TMEM232: variants seen among roughly 807,000 people sequenced by gnomAD.
TMEM232 encodes the protein transmembrane protein 232.
Under a neutral mutation model 78.8 loss-of-function variants are expected in TMEM232, and 80 were observed. That is an observed-to-expected ratio of 1.01 (90% confidence interval 0.85 to 1.22). The LOEUF is 1.22. Among genes scored for constraint, TMEM232 ranks in the 50% most tolerant of loss-of-function variants. The pLI is 0.00. For synonymous variants in TMEM232, 297 were observed against 254.3 expected (o/e 1.17, Z -1.60); for missense variants, 881 against 742.2 (o/e 1.19, Z -2.17).
At chr5:110,473,368 A>C (rs951781586) in intron 12 of TMEM232, among the ~76,000 whole-genome samples, 1 of 151,886 alleles carries the variant, frequency 6.6e-6, no homozygotes, top group Non-Finnish European at 1.5e-5. Flanking sequence ...TGCAACTCAA[A>C]ACCACAGTGA....
intron 2 of TMEM232, among the ~76,000 whole-genome samples, chr5:110,663,834 A>T (rs1790161404): frequency 6.6e-6 from 1 of 151,992 alleles, no homozygotes; most frequent in African/African-American, 2.4e-5. Flanking sequence ...ATTTTTAAAA[A>T]TAATAAATCA....
intron 2 of TMEM232, among the ~76,000 whole-genome samples, chr5:110,413,832 C>G (rs1374172347): frequency 1.3e-5 from 2 of 152,086 alleles, no homozygotes; most frequent in South Asian, 4.1e-4. Context: ...AATTATTGTT[C>G]TAAAGGGAAT....
At chr5:110,423,467 TATA>T (rs1561475321) in intron 13 of TMEM232, among the ~76,000 whole-genome samples, 1 of 152,080 alleles carries the variant, frequency 6.6e-6, no homozygotes, top group Non-Finnish European at 1.5e-5. Flanking sequence ...AAAAAATAAA[TATA>T]ATATTTAGAG....
chr5:110,512,346 A>G (rs1334503237), intron 12 of TMEM232, among the ~76,000 whole-genome samples: 1 of 152,204 alleles, frequency 6.6e-6, no homozygotes, highest in African/African-American at 2.4e-5. Flanking sequence ...CTTTTGGTGG[A>G]CAACCAACAT....
At chr5:110,733,547 C>A (rs1158410162) in intron 2 of TMEM232, among the ~76,000 whole-genome samples, 1 of 152,132 alleles carries the variant, frequency 6.6e-6, no homozygotes, top group African/African-American at 2.4e-5. Flanking sequence ...ATGGATGGAG[C>A]TGGAGGCCAT....
chr5:110,497,057 T>C (rs934762622), intron 12 of TMEM232, among the ~76,000 whole-genome samples: 4 of 152,038 alleles, frequency 2.6e-5, no homozygotes, highest in African/African-American at 9.7e-5. Flanking sequence ...TTAGTTTCCT[T>C]ATCTGTCAGA....
rs1208811819 is a variant in TMEM232, at chr5:110,640,982, G to T, written c.252C>A (p.Leu84=). 13 of 1,528,224 alleles carry T rather than the reference G, an allele frequency of 8.5e-6. No individual in the cohort carries two copies. Among genetic ancestry groups the T allele is most frequent in the South Asian group, 1.3e-5 (1 of 78,824 alleles). 94.7% of individuals were successfully genotyped at this position (1,528,224 alleles called of 1,614,324 possible). ...IILRCKRKLG[L]KTLGSGRHVH... is the part of the protein sequence containing the mutation. ...CATGCCTTCCAGAGCCCAGGGTTTT[G>T]AGACCCAATTTTCTCTGTTATGAGG... The change falls in exon 4 of 14, where the codon CTC becomes CTA. Residue 84 remains leucine (L), a synonymous_variant. Transcript: ENST00000455884.
At chr5:110,725,950 G>A (rs1051751589) in intron 1 of TMEM232, 9 of 152,030 alleles carry the variant, frequency 5.9e-5, no homozygotes, top group Non-Finnish European at 1.0e-4. Context: ...AATTTGTTCA[G>A]ACATACTGTT....
intron 8 of TMEM232, among the ~76,000 whole-genome samples, chr5:110,610,876 A>T (rs1443400615): frequency 6.6e-6 from 1 of 152,178 alleles, no homozygotes; most frequent in Non-Finnish European, 1.5e-5. Context: ...TAAATGTTAT[A>T]GCCAGCCAAG....
chr5:110,655,281 T>C (rs1788877009), intron 2 of TMEM232, among the ~76,000 whole-genome samples: 1 of 150,882 alleles, frequency 6.6e-6, no homozygotes, highest in African/African-American at 2.4e-5. Context: ...AAGACATTTA[T>C]GCAGCCAAAA....
chr5:110,605,049 T>C (rs779331707), intron 10 of TMEM232, 60 bp downstream of exon 10: 14 of 1,420,192 alleles, frequency 9.9e-6, no homozygotes, highest in Non-Finnish European at 1.3e-5. Context: ...TGCTTATTAC[T>C]ATATGTAGAC....
At chr5:110,547,784 G>A (rs563545527) in intron 11 of TMEM232, among the ~76,000 whole-genome samples, 1 of 152,078 alleles carries the variant, frequency 6.6e-6, no homozygotes, top group Non-Finnish European at 1.5e-5. Context: ...GATCACTTGA[G>A]GTCAGGAGCT....
intron 1 of TMEM232, among the ~76,000 whole-genome samples, chr5:110,716,470 G>A (rs930677326): frequency 6.6e-6 from 1 of 152,166 alleles, no homozygotes; most frequent in Non-Finnish European, 1.5e-5. Flanking sequence ...ATGGGAGACA[G>A]TGACAGATCA....
intron 12 of TMEM232, among the ~76,000 whole-genome samples, chr5:110,469,655 G>A (rs1762456969): frequency 6.6e-6 from 1 of 152,170 alleles, no homozygotes; most frequent in Non-Finnish European, 1.5e-5. Context: ...TGTCAGCACT[G>A]AGGTGATGCT....
At chr5:110,634,289 T>C (rs550044378) in intron 5 of TMEM232, among the ~76,000 whole-genome samples, 4 of 152,252 alleles carry the variant, frequency 2.6e-5, no homozygotes, top group African/African-American at 9.6e-5. Context: ...ACATATTATT[T>C]AGATAGAATA....
At chr5:110,580,724 C>T (rs1363457394) in intron 10 of TMEM232, among the ~76,000 whole-genome samples, 1 of 136,270 alleles carries the variant, frequency 7.3e-6, no homozygotes, top group Non-Finnish European at 1.5e-5. Flanking sequence ...CACATAACCC[C>T]AAACAGGATA....
At chr5:110,587,691 A>ATATATATATGTGTGTGTG (rs1209205049) in intron 10 of TMEM232, among the ~76,000 whole-genome samples, 1 of 63,132 alleles carries the variant, frequency 1.6e-5, no homozygotes, top group Non-Finnish European at 2.8e-5. Context: ...ATATATATAT[A>ATATATATATGTGTGTGTG]TGTGTGTGTG....
chr5:110,403,308 C>A (rs549321082), intron 2 of TMEM232, among the ~76,000 whole-genome samples: 1 of 152,008 alleles, frequency 6.6e-6, no homozygotes, highest in South Asian at 2.1e-4. Flanking sequence ...AGCAATACCC[C>A]CAATGTGAAT....
chr5:110,411,331 G>GTGA (rs1352496519), intron 2 of TMEM232, among the ~76,000 whole-genome samples: 1 of 152,102 alleles, frequency 6.6e-6, no homozygotes, highest in Non-Finnish European at 1.5e-5. Context: ...GTTCAATGGT[G>GTGA]TGATGTCTTG....
Sources: gnomAD v4.1 joint callset for allele counts (sites outside exome capture counted in the v4.1 genomes callset) on GRCh38, gnomAD v4.1.1 for gene constraint, MANE v1.5 for transcripts, NCBI Gene and HGNC (gene_info 2026-07-23, HGNC 2026-07-21) for gene names.